Variants in GNAQ observed in about 807,000 individuals in gnomAD.
GNAQ encodes the protein G protein subunit alpha q.
Under a neutral mutation model 43.9 loss-of-function variants are expected in GNAQ, and 8 were observed. That is an observed-to-expected ratio of 0.18 (90% CI 0.11 to 0.33). The LOEUF is 0.33. Ranked by LOEUF, GNAQ falls within the 10% of genes least tolerant of loss-of-function variation. The probability of loss-of-function intolerance (pLI) is 1.00; values close to 1 mark genes in which losing one functional copy is unlikely to be tolerated. For missense variants in GNAQ, 158 were observed against 450.8 expected, an observed-to-expected ratio of 0.35 and a Z score of 5.88; for synonymous variants, 155 against 170.7, an observed-to-expected ratio of 0.91 and a Z score of 0.71.
At chr9:77,981,793 C>A (rs1823372039) in intron 1 of GNAQ, among the ~76,000 whole-genome samples, 1 of 152,158 alleles carries the variant, frequency 6.6e-6, no homozygotes. Flanking sequence ...CTCATCTTCC[C>A]ATATAGAATA....
chr9:77,729,218 ATGT>A, intron 5 of GNAQ, among the ~76,000 whole-genome samples: 1 of 152,338 alleles, frequency 6.6e-6, no homozygotes, highest in Admixed American at 6.5e-5. Flanking sequence ...CACATGGAAA[ATGT>A]TGTAAGATCA....
At chr9:77,848,412 T>C (rs1208807317) in intron 2 of GNAQ, among the ~76,000 whole-genome samples, 1 of 152,210 alleles carries the variant, frequency 6.6e-6, no homozygotes, top group African/African-American at 2.4e-5. Flanking sequence ...TTCAAGCTAT[T>C]TCACTAGAGT....
intron 3 of GNAQ, among the ~76,000 whole-genome samples, chr9:77,812,459 A>G (rs1217682169): frequency 6.6e-6 from 1 of 152,228 alleles, no homozygotes; most frequent in Non-Finnish European, 1.5e-5. Flanking sequence ...AGTTTAGAGT[A>G]AATCAATGAG....
At chr9:77,790,353 T>C (rs1232506566) in intron 5 of GNAQ, among the ~76,000 whole-genome samples, 1 of 152,244 alleles carries the variant, frequency 6.6e-6, no homozygotes, top group African/African-American at 2.4e-5. Context: ...CACTCAACAA[T>C]TTTTAGAGCA....
chr9:78,023,423 A>C (rs1437831695), intron 1 of GNAQ, among the ~76,000 whole-genome samples: 1 of 152,190 alleles, frequency 6.6e-6, no homozygotes, highest in Non-Finnish European at 1.5e-5. Context: ...GCATCTGTTT[A>C]AGAAAGATGT....
chr9:77,844,452 T>A (rs1323788801), intron 2 of GNAQ, among the ~76,000 whole-genome samples: 1 of 152,178 alleles, frequency 6.6e-6, no homozygotes, highest in East Asian at 1.9e-4. Flanking sequence ...GACAAATGCA[T>A]AGGAATAAAA....
chr9:77,769,901 C>T (rs1441490166), intron 5 of GNAQ, among the ~76,000 whole-genome samples: 2 of 152,004 alleles, frequency 1.3e-5, no homozygotes, highest in South Asian at 2.1e-4. Context: ...CTCCTGACCT[C>T]GTGATCTGCC....
chr9:78,021,759 G>T (rs1219074217), intron 1 of GNAQ, among the ~76,000 whole-genome samples: 5 of 152,196 alleles, frequency 3.3e-5, no homozygotes, highest in African/African-American at 1.2e-4. Flanking sequence ...TTTGGCTTCA[G>T]TCACACATAC....
chr9:77,988,439 T>C (rs995570391), intron 1 of GNAQ, among the ~76,000 whole-genome samples: 2 of 152,230 alleles, frequency 1.3e-5, no homozygotes, highest in South Asian at 2.1e-4. Flanking sequence ...GCCAAAGGAT[T>C]TGATCTGGTA....
chr9:78,023,620 C>T (rs1310719293), intron 1 of GNAQ, among the ~76,000 whole-genome samples: 2 of 149,974 alleles, frequency 1.3e-5, no homozygotes, highest in South Asian at 2.1e-4. Flanking sequence ...CCCTGTTGCC[C>T]CTACAGTAAA....
chr9:77,854,133 A>AGT (rs1310109093), intron 2 of GNAQ, among the ~76,000 whole-genome samples: 1 of 152,202 alleles, frequency 6.6e-6, no homozygotes, highest in Non-Finnish European at 1.5e-5. Context: ...AAGATCCATA[A>AGT]GTACATAATA....
chr9:77,766,145 C>T (rs1826133396), intron 5 of GNAQ, among the ~76,000 whole-genome samples: 1 of 152,094 alleles, frequency 6.6e-6, no homozygotes, highest in Admixed American at 6.5e-5. Context: ...TGTAGTGATA[C>T]CTGCACAATA....
intron 2 of GNAQ, among the ~76,000 whole-genome samples, chr9:77,829,683 T>G (rs948187337): frequency 6.6e-6 from 1 of 152,126 alleles, no homozygotes; most frequent in Non-Finnish European, 1.5e-5. Context: ...GGACTCAAAG[T>G]GGTCCACCCA....
At chr9:77,931,693 A>G (rs930804651) in intron 1 of GNAQ, among the ~76,000 whole-genome samples, 6 of 152,118 alleles carry the variant, frequency 3.9e-5, no homozygotes, top group African/African-American at 1.2e-4. Context: ...TCCTACCTAC[A>G]TATTATGCAT....
chr9:77,962,655 C>T (rs1203269707), intron 1 of GNAQ, among the ~76,000 whole-genome samples: 1 of 151,854 alleles, frequency 6.6e-6, no homozygotes, highest in African/African-American at 2.4e-5. Flanking sequence ...TTTGGGAGGC[C>T]GAGGCGGGCG....
chr9:77,940,400 G>GCA (rs1473250836), intron 1 of GNAQ, among the ~76,000 whole-genome samples: 1 of 152,040 alleles, frequency 6.6e-6, no homozygotes, highest in Admixed American at 6.6e-5. Context: ...GGGCAACACG[G>GCA]CAAAGCCCCA....
intron 1 of GNAQ, among the ~76,000 whole-genome samples, chr9:77,991,492 T>C (rs997260931): frequency 6.6e-6 from 1 of 152,234 alleles, no homozygotes; most frequent in Non-Finnish European, 1.5e-5. Flanking sequence ...TTTTCTAATA[T>C]TCTACCTCCA....
At chr9:77,874,966 G>T (rs906190836) in intron 2 of GNAQ, among the ~76,000 whole-genome samples, 3 of 151,868 alleles carry the variant, frequency 2.0e-5, no homozygotes, top group Non-Finnish European at 4.4e-5. Context: ...GAAAGGTCAT[G>T]ACCAAGCAGA....
chr9:77,812,900 T>C (rs1455713251), intron 3 of GNAQ, among the ~76,000 whole-genome samples: 1 of 151,728 alleles, frequency 6.6e-6, no homozygotes, highest in Non-Finnish European at 1.5e-5. Context: ...ATAATTTATT[T>C]TTATTTTTTA....
Sources: allele counts gnomAD v4.1 joint callset (sites outside exome capture counted in the v4.1 genomes callset), GRCh38; gene constraint gnomAD v4.1.1; transcripts MANE v1.5; gene names NCBI Gene and HGNC (gene_info 2026-07-23, HGNC 2026-07-21).